CNTNAP5: variants seen among roughly 807,000 people sequenced by gnomAD.
The protein encoded by CNTNAP5 is contactin-associated protein-like 5.
A neutral mutation model predicts 150.2 loss-of-function variants in CNTNAP5; 72 were observed. The observed-to-expected ratio is 0.48, with a 90% CI of 0.40 to 0.58. The LOEUF is 0.58. Among genes scored for constraint, CNTNAP5 ranks in the 20% least tolerant of loss-of-function variants. The pLI is 0.00. For synonymous variants in CNTNAP5, 672 were observed against 619.8 expected (o/e 1.08, Z -1.25); for missense variants, 1,636 against 1,626.2 (o/e 1.01, Z -0.10).
rs188284777 is a variant in CNTNAP5, at chr2:124,690,437, C to A, written c.2077+42479C>A. 9.2e-5 allele frequency among the ~76,000 whole-genome samples: 14 copies of A among 152,242 alleles called. No individual in the cohort carries two copies. In the East Asian group the frequency reaches 2.7e-3, roughly 29 times the overall value. On this transcript the variant is annotated intron_variant, in intron 13 of 23. Coordinates refer to ENST00000682447, the MANE Select transcript of CNTNAP5 (RefSeq NM_001367498.1). ...AACGAATTTTTTCCCCAAATCACCA[C>A]CAATTCTTGTCTGCAATACTTAATA...
chr2:124,354,368 C>T (rs866755417), intron 3 of CNTNAP5, among the ~76,000 whole-genome samples: 4 of 151,932 alleles, frequency 2.6e-5, no homozygotes, highest in Non-Finnish European at 5.9e-5. Context: ...CCAAAAACAA[C>T]GAAAAACACA....
At chr2:124,711,420 A>G (rs908521769) in intron 13 of CNTNAP5, among the ~76,000 whole-genome samples, 3 of 152,168 alleles carry the variant, frequency 2.0e-5, no homozygotes, top group Non-Finnish European at 4.4e-5. Flanking sequence ...CTACTTCCAT[A>G]ATAGACTTCA....
intron 19 of CNTNAP5, among the ~76,000 whole-genome samples, chr2:124,829,569 T>C (rs1396689543): frequency 6.6e-6 from 1 of 151,982 alleles, no homozygotes; most frequent in Non-Finnish European, 1.5e-5. Flanking sequence ...ATATACATAA[T>C]AGCATCACTA....
At chr2:124,754,930 A>C (rs1400297838) in intron 14 of CNTNAP5, among the ~76,000 whole-genome samples, 1 of 152,138 alleles carries the variant, frequency 6.6e-6, no homozygotes, top group Non-Finnish European at 1.5e-5. Context: ...CAATTAAGAG[A>C]TAAAGAAAAA....
chr2:124,668,341 A>G (rs1156428586), intron 13 of CNTNAP5, among the ~76,000 whole-genome samples: 2 of 152,222 alleles, frequency 1.3e-5, no homozygotes, highest in African/African-American at 4.8e-5. Context: ...GAGAGATCTT[A>G]AGCAGCTAAC....
At chr2:124,584,828 T>C (rs1316100932) in intron 11 of CNTNAP5, among the ~76,000 whole-genome samples, 2 of 152,344 alleles carry the variant, frequency 1.3e-5, no homozygotes, top group East Asian at 3.9e-4. Context: ...TGAACACTTA[T>C]GACCACAATA....
In CNTNAP5 at chr2:124,784,951, C is replaced by T. The variant is rs1271065877; in HGVS notation, c.2753-4951C>T. On this transcript the variant is annotated intron_variant, in intron 17 of 23. Coordinates refer to ENST00000682447, the MANE Select transcript of CNTNAP5 (RefSeq NM_001367498.1). ...ATGAGTTTAGTATAAAGTTTCTAGC[C>T]TACAACTAGTATGACTAGTATCTTT... 2.0e-5 allele frequency among the ~76,000 whole-genome samples: 3 copies of T among 148,678 alleles called. No homozygotes were observed. In the Admixed American group the frequency reaches 2.0e-4, roughly 10 times the overall value.
At chr2:124,174,546 A>T (rs1685016280) in intron 1 of CNTNAP5, among the ~76,000 whole-genome samples, 1 of 152,230 alleles carries the variant, frequency 6.6e-6, no homozygotes, top group African/African-American at 2.4e-5. Context: ...GAGAAATAGA[A>T]CTAAAAGTGG....
intron 1 of CNTNAP5, among the ~76,000 whole-genome samples, chr2:124,201,235 A>G (rs533465322): frequency 1.4e-3 from 214 of 152,350 alleles, no homozygotes; most frequent in African/African-American, 5.0e-3. Flanking sequence ...GACCACTCTC[A>G]GGTACATGCA....
At chr2:124,374,829 G>A (rs980370808) in intron 3 of CNTNAP5, among the ~76,000 whole-genome samples, 9 of 152,026 alleles carry the variant, frequency 5.9e-5, no homozygotes, top group African/African-American at 1.7e-4. Flanking sequence ...GGCCTGGAAC[G>A]TCCTATGACT....
At chr2:124,777,775 A>ATGTG (rs35863925) in intron 17 of CNTNAP5, among the ~76,000 whole-genome samples, 16,029 of 130,518 alleles carry the variant, frequency 0.12, 1,187 homozygotes, top group East Asian at 0.21. Context: ...GAATGGAGGG[A>ATGTG]TGTGTGTGTG....
Position 124,036,823 on chromosome 2 carries a change from T to A in CNTNAP5, c.82+11091T>A, listed in dbSNP as rs374758066. ...GGATATACTGGCTTGGATGGTGTGG[T>A]AATTTACCCAAGATTATATAGCTAT... On this transcript the variant is annotated intron_variant, in intron 1 of 23. Transcript: ENST00000682447. Among the ~76,000 whole-genome samples, 311 of 152,314 alleles carry A rather than the reference T, an allele frequency of 2.0e-3. 4 individuals are homozygous for A. The South Asian group carries it at 0.029, about 14-fold the overall frequency.
At chr2:124,537,144 A>C (rs2104901534) in intron 10 of CNTNAP5, among the ~76,000 whole-genome samples, 1 of 152,224 alleles carries the variant, frequency 6.6e-6, no homozygotes, top group South Asian at 2.1e-4. Context: ...AATTGGAGGC[A>C]CAGAGGTACT....
At chr2:124,864,638 G>A (rs113115569) in intron 19 of CNTNAP5, among the ~76,000 whole-genome samples, 166 of 151,698 alleles carry the variant, frequency 1.1e-3, no homozygotes, top group African/African-American at 4.0e-3. Flanking sequence ...TCTCCTGGGA[G>A]TCTCATATGT....
At chr2:124,609,749 G>A (rs1298113853) in intron 11 of CNTNAP5, 52 bp from the exon 12 acceptor site, 6 of 1,592,808 alleles carry the variant, frequency 3.8e-6, no homozygotes, top group African/African-American at 1.3e-5. Context: ...TTCCTGCAAA[G>A]GGATATGCAG....
At chr2:124,733,298 G>A (rs1243221562) in intron 13 of CNTNAP5, among the ~76,000 whole-genome samples, 2 of 151,968 alleles carry the variant, frequency 1.3e-5, no homozygotes, top group Admixed American at 1.3e-4. Context: ...GAAATAGCCC[G>A]ATATAAGATA....
At chr2:124,903,216 T>A in intron 22 of CNTNAP5, 116 bp downstream of exon 22, 1 of 583,028 alleles carries the variant, frequency 1.7e-6, no homozygotes, top group Non-Finnish European at 2.9e-6. Context: ...CTTTGTATAA[T>A]AACAGGTGGC....
chr2:124,443,353 T>C (rs1692723668), intron 5 of CNTNAP5, among the ~76,000 whole-genome samples: 1 of 151,394 alleles, frequency 6.6e-6, no homozygotes, highest in Non-Finnish European at 1.5e-5. Context: ...ATGGGAAAGC[T>C]CTTTGTATTC....
chr2:124,841,373 C>G (rs1682941418), intron 19 of CNTNAP5, among the ~76,000 whole-genome samples: 1 of 148,170 alleles, frequency 6.7e-6, no homozygotes, highest in Non-Finnish European at 1.5e-5. Flanking sequence ...TAGATATGCA[C>G]TCCATCTTTT....
Sources: allele counts gnomAD v4.1 joint callset (sites outside exome capture counted in the v4.1 genomes callset), GRCh38; gene constraint gnomAD v4.1.1; transcripts MANE v1.5; gene names NCBI Gene and HGNC (gene_info 2026-07-23, HGNC 2026-07-21).